Variants in ZNF277 observed in about 807,000 individuals in gnomAD.
The protein encoded by ZNF277 is nuclear receptor-interacting factor 4.
Under a neutral mutation model 60.7 loss-of-function variants are expected in ZNF277, and 55 were observed. The observed-to-expected ratio is 0.91, with a 90% CI of 0.73 to 1.13. The LOEUF (loss-of-function observed/expected upper bound fraction) is 1.13. Among genes scored for constraint, ZNF277 ranks in the 50% most tolerant of loss-of-function variants. The pLI, the probability that ZNF277 is intolerant of heterozygous loss-of-function variation, is 0.00. For missense variants in ZNF277, 510 were observed against 523.0 expected (o/e 0.98, Z 0.24); for synonymous variants, 178 against 179.3 (o/e 0.99, Z 0.06).
chr7:112,341,318 A>G (rs942490643), intron 11 of ZNF277, among the ~76,000 whole-genome samples: 10 of 152,234 alleles, frequency 6.6e-5, no homozygotes, highest in Non-Finnish European at 1.3e-4. Flanking sequence ...GATTTTTTAA[A>G]TTATATTTTA....
intron 1 of ZNF277, among the ~76,000 whole-genome samples, chr7:112,236,661 G>T (rs148664710): frequency 6.5e-4 from 99 of 152,138 alleles, no homozygotes; most frequent in African/African-American, 2.2e-3. Context: ...GAATTTTGGT[G>T]ACTCATAAAA....
intron 1 of ZNF277, among the ~76,000 whole-genome samples, chr7:112,247,950 A>C (rs1276338538): frequency 7.4e-6 from 1 of 135,762 alleles, no homozygotes; most frequent in Non-Finnish European, 1.6e-5. Context: ...CCTGGGCAAC[A>C]AGATGAAACT....
At chr7:112,289,569 G>C (rs758461836) in intron 2 of ZNF277, among the ~76,000 whole-genome samples, 2 of 152,100 alleles carry the variant, frequency 1.3e-5, no homozygotes, top group Non-Finnish European at 1.5e-5. Flanking sequence ...TATTCTCAGA[G>C]TATTCTGGGA....
chr7:112,229,106 A>G (rs991711724), intron 1 of ZNF277, among the ~76,000 whole-genome samples: 1 of 152,228 alleles, frequency 6.6e-6, no homozygotes, highest in African/African-American at 2.4e-5. Context: ...AATTAGGGAA[A>G]TGTTTTAAAA....
intron 6 of ZNF277, 144 bp from the exon 7 acceptor site, chr7:112,329,940 G>T: frequency 1.1e-6 from 1 of 942,474 alleles, no homozygotes; most frequent in Non-Finnish European, 1.5e-6. Flanking sequence ...ATAAAGTGAG[G>T]GGGGATTCTG....
intron 1 of ZNF277, among the ~76,000 whole-genome samples, chr7:112,286,272 T>C (rs192063728): frequency 3.3e-5 from 5 of 152,208 alleles, no homozygotes; most frequent in South Asian, 4.1e-4. Context: ...ACTTGTGTAA[T>C]AGGCAAATGA....
chr7:112,270,292 G>A (rs1791639723), intron 1 of ZNF277, among the ~76,000 whole-genome samples: 1 of 152,014 alleles, frequency 6.6e-6, no homozygotes, highest in African/African-American at 2.4e-5. Flanking sequence ...CTAACCCTGG[G>A]TATAGACCTC....
chr7:112,293,016 C>T lies in ZNF277; in HGVS notation c.294-2853C>T, dbSNP rs191530973. On this transcript the variant is annotated intron_variant, in intron 2 of 11. Transcript: ENST00000361822. ...ATTAAACACCCAGAATTTTGGACAGCGTGCTTTACATGCATTATTCTATTT... is the reference window on the plus strand; with the variant it reads ...ATTAAACACCCAGAATTTTGGACAGTGTGCTTTACATGCATTATTCTATTT... 4.6e-5 allele frequency among the ~76,000 whole-genome samples: 7 copies of T among 152,198 alleles called. No individual in the cohort carries two copies. The East Asian group carries it at 1.2e-3, about 25-fold the overall frequency.
chr7:112,221,174 C>T (rs1187537020), intron 1 of ZNF277, among the ~76,000 whole-genome samples: 1 of 152,176 alleles, frequency 6.6e-6, no homozygotes, highest in Non-Finnish European at 1.5e-5. Flanking sequence ...GGCCATCGTT[C>T]CTGCATGGCT....
intron 4 of ZNF277, among the ~76,000 whole-genome samples, chr7:112,297,780 G>A (rs1476951796): frequency 6.6e-6 from 1 of 152,054 alleles, no homozygotes; most frequent in Non-Finnish European, 1.5e-5. Flanking sequence ...TCTCACTGTT[G>A]CTAACAGTGG....
intron 1 of ZNF277, among the ~76,000 whole-genome samples, chr7:112,233,870 G>T (rs1168249304): frequency 6.6e-6 from 1 of 151,514 alleles, no homozygotes; most frequent in Non-Finnish European, 1.5e-5. Flanking sequence ...GGAATTTTTG[G>T]TAATAGGTCT....
At chr7:112,298,070 C>T (rs543634720) in intron 4 of ZNF277, among the ~76,000 whole-genome samples, 49 of 152,240 alleles carry the variant, frequency 3.2e-4, no homozygotes, top group African/African-American at 1.0e-3. Flanking sequence ...CATACATGCT[C>T]GTTGAATTTC....
At chr7:112,298,124 CATA>C (rs1792394607) in intron 4 of ZNF277, among the ~76,000 whole-genome samples, 1 of 152,140 alleles carries the variant, frequency 6.6e-6, no homozygotes, top group African/African-American at 2.4e-5. Context: ...GAGTACAAGG[CATA>C]ATCCATATCA....
chr7:112,283,782 A>G (rs546315382), intron 1 of ZNF277, among the ~76,000 whole-genome samples: 1 of 152,210 alleles, frequency 6.6e-6, no homozygotes, highest in African/African-American at 2.4e-5. Context: ...GGGAAAAAAT[A>G]AAGAAAATTA....
intron 2 of ZNF277, among the ~76,000 whole-genome samples, chr7:112,293,834 G>T (rs1315257037): frequency 6.6e-6 from 1 of 152,204 alleles, no homozygotes; most frequent in African/African-American, 2.4e-5. Flanking sequence ...CATCCAGATA[G>T]TCCTCAATGG....
chr7:112,249,327 A>G (rs1791149360), intron 1 of ZNF277, among the ~76,000 whole-genome samples: 1 of 152,188 alleles, frequency 6.6e-6, no homozygotes, highest in Non-Finnish European at 1.5e-5. Context: ...AAGTAATAAA[A>G]TATTGGCTTT....
chr7:112,244,518 A>G (rs1430341115), intron 1 of ZNF277, among the ~76,000 whole-genome samples: 1 of 152,156 alleles, frequency 6.6e-6, no homozygotes, highest in Non-Finnish European at 1.5e-5. Context: ...ACCCATTGAC[A>G]TTCTGCGTAT....
intron 1 of ZNF277, among the ~76,000 whole-genome samples, chr7:112,283,447 T>C (rs150104111): frequency 0.058 from 8,775 of 152,168 alleles, 676 homozygotes; most frequent in African/African-American, 0.18. Flanking sequence ...CGCTTGAACC[T>C]GGGAGGCGGA....
At chr7:112,229,777 A>C (rs895971431) in intron 1 of ZNF277, among the ~76,000 whole-genome samples, 10 of 152,232 alleles carry the variant, frequency 6.6e-5, no homozygotes. Flanking sequence ...AAGAGTCAAC[A>C]CTGAAGCAGC....
Sources: allele counts gnomAD v4.1 joint callset (sites outside exome capture counted in the v4.1 genomes callset), GRCh38; gene constraint gnomAD v4.1.1; transcripts MANE v1.5; gene names NCBI Gene and HGNC (gene_info 2026-07-23, HGNC 2026-07-21).